Variants in SPON1 observed in about 807,000 individuals in gnomAD.
SPON1 encodes spondin 1.
Under a neutral mutation model 111.7 loss-of-function variants are expected in SPON1, and 52 were observed. That is an observed-to-expected ratio of 0.47 (90% CI 0.37 to 0.59). The LOEUF (loss-of-function observed/expected upper bound fraction) is 0.59, where lower values mean the gene tolerates loss of function less well. SPON1 is among the 20% of genes least tolerant of loss of function. SPON1 has a pLI of 0.00. For synonymous variants in SPON1, 410 were observed against 395.8 expected (o/e 1.04, Z -0.43); for missense variants, 957 against 1,068.5 (o/e 0.90, Z 1.46).
At position 14,260,675 on chromosome 11, in the gene SPON1, T is replaced by C; in HGVS notation, c.1919T>C (p.Met640Thr). Residue 640 changes from methionine (M) to threonine (T), a missense_variant, in exon 14 of 16, where the codon ATG (methionine) becomes ACG (threonine). Coordinates refer to ENST00000576479, the MANE Select transcript of SPON1 (RefSeq NM_006108.4). ...AAGGGCATGCGAACCCGACAGCGGATGCTCAAGTCTCTGGCAGAACTTGGA... is the reference window on the plus strand; with the variant it reads ...AAGGGCATGCGAACCCGACAGCGGACGCTCAAGTCTCTGGCAGAACTTGGA... ...CGKGMRTRQR[M>T]LKSLAELGDC... The C allele has an allele frequency of 1.2e-6, 2 of 1,614,012 alleles. No homozygotes were observed. Among genetic ancestry groups the C allele is most frequent in the South Asian group, 1.1e-5 (1 of 91,086 alleles).
intron 2 of SPON1, among the ~76,000 whole-genome samples, chr11:14,022,010 G>C (rs1462394220): frequency 2.0e-5 from 3 of 152,152 alleles, no homozygotes; most frequent in Non-Finnish European, 2.9e-5. Flanking sequence ...AAGCAGAATT[G>C]TTCTCCTGGC....
intron 5 of SPON1, among the ~76,000 whole-genome samples, chr11:14,119,833 G>C (rs373789166): frequency 2.6e-5 from 4 of 152,074 alleles, no homozygotes; most frequent in Non-Finnish European, 5.9e-5. Flanking sequence ...GTACACAAAC[G>C]TACACCAAAT....
chr11:14,080,004 A>T lies in SPON1; in HGVS notation c.659A>T (p.His220Leu). ...TFYGNWSEKT[H>L]PKDYPRRANH... Reference sequence around the variant, plus strand: ...TATGGGAATTGGTCCGAGAAGACACACCCAAAGGATTACCCTCGTGAGTAG... The same window carrying T: ...TATGGGAATTGGTCCGAGAAGACACTCCCAAAGGATTACCCTCGTGAGTAG... The change falls in exon 5 of 16, where the codon CAC becomes CTC. Residue 220 changes from histidine to leucine, a missense_variant. Physicochemically the swap from His to Leu is moderately conservative, Grantham distance 99 (BLOSUM62 -3). This residue lies in a region of SPON1 where 122 missense variants were observed against 143.2 expected (regional missense o/e 0.85). Transcript: ENST00000576479. The T allele has an allele frequency of 6.2e-7, 1 of 1,613,952 alleles. No homozygotes were observed. The highest frequency in any genetic ancestry group is 8.5e-7 in the Non-Finnish European group (1 of 1,179,884).
At chr11:14,168,676 G>A (rs571771300) in intron 6 of SPON1, among the ~76,000 whole-genome samples, 1,486 of 94,098 alleles carry the variant, frequency 0.016, 23 homozygotes, top group African/African-American at 0.057. Flanking sequence ...AACAGGCCCC[G>A]GTGTGTGATG....
intron 6 of SPON1, among the ~76,000 whole-genome samples, chr11:14,208,423 T>G (rs1848538389): frequency 6.6e-6 from 1 of 152,232 alleles, no homozygotes; most frequent in African/African-American, 2.4e-5. Context: ...ATTATTTTGA[T>G]GCAAATATAT....
At chr11:14,103,957 T>A (rs2133844957) in intron 5 of SPON1, among the ~76,000 whole-genome samples, 1 of 152,330 alleles carries the variant, frequency 6.6e-6, no homozygotes, top group Non-Finnish European at 1.5e-5. Context: ...TGCTATGTTC[T>A]TTGAACCTTA....
chr11:14,162,210 A>C (rs1847974455), intron 6 of SPON1, among the ~76,000 whole-genome samples: 1 of 151,672 alleles, frequency 6.6e-6, no homozygotes, highest in Non-Finnish European at 1.5e-5. Flanking sequence ...ATATAAAATG[A>C]AATATGAACA....
chr11:14,008,240 G>T (rs1233427913), intron 2 of SPON1, among the ~76,000 whole-genome samples: 5 of 152,188 alleles, frequency 3.3e-5, no homozygotes, highest in African/African-American at 1.2e-4. Flanking sequence ...TACAGAAGGA[G>T]TATATGGGAG....
At chr11:14,172,149 GGA>G (rs1433001709) in intron 6 of SPON1, among the ~76,000 whole-genome samples, 3 of 151,978 alleles carry the variant, frequency 2.0e-5, no homozygotes, top group African/African-American at 7.2e-5. Context: ...AGGTCACTAA[GGA>G]CTTGCTTTAT....
intron 5 of SPON1, among the ~76,000 whole-genome samples, chr11:14,091,697 G>A (rs1026950564): frequency 2.6e-5 from 4 of 152,002 alleles, no homozygotes; most frequent in Admixed American, 6.5e-5. Flanking sequence ...CCCGGTTCTC[G>A]CTCGCACCTT....
intron 1 of SPON1, among the ~76,000 whole-genome samples, chr11:13,975,077 C>T (rs79752431): frequency 0.032 from 4,894 of 152,292 alleles, 254 homozygotes; most frequent in African/African-American, 0.11. Context: ...CCCAGATAGA[C>T]GCAGATGTTC....
chr11:14,071,859 C>T (rs181457130), intron 3 of SPON1, among the ~76,000 whole-genome samples: 2 of 152,112 alleles, frequency 1.3e-5, no homozygotes, highest in African/African-American at 2.4e-5. Flanking sequence ...CCACCTCGCC[C>T]GGCTAATTTT....
intron 5 of SPON1, among the ~76,000 whole-genome samples, chr11:14,085,911 T>C (rs1387384263): frequency 2.0e-5 from 3 of 152,208 alleles, no homozygotes; most frequent in African/African-American, 7.2e-5. Context: ...TTTGTAGCAA[T>C]TGTGAACGGG....
intron 2 of SPON1, among the ~76,000 whole-genome samples, chr11:14,029,327 C>G (rs1554915738): frequency 6.6e-6 from 1 of 152,072 alleles, no homozygotes; most frequent in African/African-American, 2.4e-5. Context: ...TTGTTGAGAG[C>G]AAGCGGGACA....
intron 4 of SPON1, among the ~76,000 whole-genome samples, chr11:14,079,532 C>G (rs1848944318): frequency 6.6e-6 from 1 of 152,064 alleles, no homozygotes; most frequent in African/African-American, 2.4e-5. Flanking sequence ...TTAGAGAAAT[C>G]CTGTTGTGGG....
At chr11:14,243,510 G>C in intron 7 of SPON1, 114 bp downstream of exon 7, 2 of 867,746 alleles carry the variant, frequency 2.3e-6, no homozygotes, top group Non-Finnish European at 3.8e-6. Flanking sequence ...CTACTTCTCA[G>C]TTAACAAGCA....
intron 2 of SPON1, among the ~76,000 whole-genome samples, chr11:13,997,151 G>A (rs1848279702): frequency 6.6e-6 from 1 of 152,208 alleles, no homozygotes; most frequent in African/African-American, 2.4e-5. Flanking sequence ...GTATATATGA[G>A]CTCTATTTCT....
chr11:14,238,858 G>A (rs1564938398), intron 6 of SPON1, among the ~76,000 whole-genome samples: 1 of 152,218 alleles, frequency 6.6e-6, no homozygotes, highest in Admixed American at 6.5e-5. Context: ...CTTTAGAAAA[G>A]TGTTGGCATC....
At chr11:14,176,419 A>G (rs1331211104) in intron 6 of SPON1, among the ~76,000 whole-genome samples, 1 of 151,740 alleles carries the variant, frequency 6.6e-6, no homozygotes, top group Non-Finnish European at 1.5e-5. Context: ...GCCAACTGAG[A>G]CCCCCAGGAG....
Sources: gnomAD v4.1 joint callset for allele counts (sites outside exome capture counted in the v4.1 genomes callset) on GRCh38, gnomAD v4.1.1 for gene constraint, gnomAD v4.1.1 regional missense constraint, MANE v1.5 for transcripts, NCBI Gene and HGNC (gene_info 2026-07-23, HGNC 2026-07-21) for gene names.